Variants in CHST15 observed in about 807,000 individuals in gnomAD.
The protein encoded by CHST15 is B cell RAG associated protein (GALNAC4S-6ST).
CHST15 carries 30 observed loss-of-function variants against 53.6 expected under a neutral mutation model. That is an observed-to-expected ratio of 0.56 (90% CI 0.42 to 0.76). The LOEUF is 0.76. Ranked by LOEUF, CHST15 falls within the 30% of genes least tolerant of loss-of-function variation. The pLI, the probability that CHST15 is intolerant of heterozygous loss-of-function variation, is 0.00. For synonymous variants in CHST15, 296 were observed against 289.8 expected (o/e 1.02, Z -0.22); for missense variants, 627 against 740.5 (o/e 0.85, Z 1.78).
chr10:124,032,780 C>T lies in CHST15; in HGVS notation c.1190+5735G>A, dbSNP rs370242891. Among the ~76,000 whole-genome samples the T allele has an allele frequency of 4.7e-4, 68 of 145,810 alleles. No homozygotes were observed. In the South Asian group the frequency reaches 0.014, roughly 29 times the overall value. ...TTGGCCATATGAACCATCCCATCCA[C>T]TTGTTTCCATTATTCCTCTGTTCTC... is the stretch of plus-strand genomic sequence containing the variant. On this transcript the variant is annotated intron_variant, in intron 5 of 7. Coordinates refer to ENST00000435907, the MANE Select transcript of CHST15 (RefSeq NM_001270764.2).
In CHST15 at chr10:124,010,040, T is replaced by TA. The variant is rs1946367184; in HGVS notation, c.*108_*109insT. The stretch of plus-strand genomic sequence containing the variant: ...TTCATGTGTGCCTAGAGTGGCAGAG[T>TA]CCTGGGGTTTTCCATACCATGAGTG... On this transcript the variant is annotated 3_prime_UTR_variant, in exon 8 of 8. Coordinates refer to ENST00000435907, the MANE Select transcript of CHST15 (RefSeq NM_001270764.2). 6.3e-7 allele frequency: 1 copy of TA among 1,585,792 alleles called. No homozygotes were observed. Among genetic ancestry groups the TA allele is most frequent in the Non-Finnish European group, 8.6e-7 (1 of 1,167,764 alleles).
At chr10:124,039,081 CA>C (rs1288646102) in intron 4 of CHST15, among the ~76,000 whole-genome samples, 1 of 152,084 alleles carries the variant, frequency 6.6e-6, no homozygotes, top group East Asian at 1.9e-4. Context: ...AAAAACACGC[CA>C]AAACATAAAC....
intron 6 of CHST15, chr10:124,021,042 G>A: frequency 7.0e-7 from 1 of 1,436,336 alleles, no homozygotes; most frequent in South Asian, 1.5e-5. Context: ...GGTGGCAGGT[G>A]ACCAGCAGGG....
chr10:124,078,082 A>G (rs1004413298), intron 1 of CHST15, among the ~76,000 whole-genome samples: 3 of 152,210 alleles, frequency 2.0e-5, no homozygotes, highest in African/African-American at 4.8e-5. Flanking sequence ...TTTCACCAAT[A>G]AAACCACCTG....
rs1554911449 is a variant in CHST15 at position 124,045,130 on chromosome 10, A to AC, written c.547-212_547-211insG. On this transcript the variant is annotated intron_variant, in intron 2 of 7. Coordinates refer to ENST00000435907, the MANE Select transcript of CHST15 (RefSeq NM_001270764.2). ...CGCCCCACAAAAAAAAAAAAAAAAA[A>AC]AAAAAAAAAAAAAACTTGGAGAGAA... is the stretch of plus-strand genomic sequence containing the variant. Among the ~76,000 whole-genome samples the AC allele has an allele frequency of 5.6e-3, 830 of 149,014 alleles. 8 individuals carry two copies. The highest frequency in any genetic ancestry group is 8.8e-3 in the Non-Finnish European group (589 of 66,994).
At chr10:124,034,716 G>A (rs1441109498) in intron 5 of CHST15, among the ~76,000 whole-genome samples, 3 of 140,006 alleles carry the variant, frequency 2.1e-5, no homozygotes, top group Admixed American at 7.0e-5. Context: ...CAGGGACCCC[G>A]GCTCCACCCC....
chr10:124,058,325 G>A (rs1486029623), intron 1 of CHST15, among the ~76,000 whole-genome samples: 1 of 152,240 alleles, frequency 6.6e-6, no homozygotes, highest in Non-Finnish European at 1.5e-5. Flanking sequence ...GGAAATGCCT[G>A]ATAGTCCAGT....
intron 5 of CHST15, among the ~76,000 whole-genome samples, chr10:124,030,879 T>C (rs973256902): frequency 6.6e-6 from 1 of 152,256 alleles, no homozygotes; most frequent in Non-Finnish European, 1.5e-5. Context: ...TCAGCTCCCT[T>C]CTGTGTGTGC....
chr10:124,091,036 GC>G (rs1391407256), intron 1 of CHST15, among the ~76,000 whole-genome samples: 1 of 152,170 alleles, frequency 6.6e-6, no homozygotes, highest in African/African-American at 2.4e-5. Context: ...TCACCTATGT[GC>G]CCACAGGAAG....
At chr10:124,085,926 C>T (rs1158787308) in intron 1 of CHST15, among the ~76,000 whole-genome samples, 1 of 152,166 alleles carries the variant, frequency 6.6e-6, no homozygotes, top group Non-Finnish European at 1.5e-5. Context: ...CCAAGTGTAG[C>T]CAGGTCCAGG....
intron 6 of CHST15, chr10:124,020,902 C>T: frequency 7.5e-7 from 1 of 1,331,328 alleles, no homozygotes; most frequent in South Asian, 2.3e-5. Flanking sequence ...ATCCACCGCT[C>T]AAGAGAATGC....
At chr10:124,031,024 T>G (rs1327043199) in intron 5 of CHST15, among the ~76,000 whole-genome samples, 1 of 152,212 alleles carries the variant, frequency 6.6e-6, no homozygotes, top group Non-Finnish European at 1.5e-5. Context: ...GGAGCCATCC[T>G]GCTAATAACT....
At position 124,036,403 on chromosome 10, in the gene CHST15, A is replaced by C. The variant is rs1308030692; in HGVS notation, c.1190+2112T>G. ...GGGAGATGCAGAGAGCAGGGAGCGA[A>C]ACCACACCTGGCACCTGCTAGAAGG... On this transcript the variant is annotated intron_variant, in intron 5 of 7. Coordinates refer to ENST00000435907, the MANE Select transcript of CHST15 (RefSeq NM_001270764.2). The surrounding 1 kb of genome is among the most constrained non-coding windows in gnomAD (Gnocchi z 5.1). Among the ~76,000 whole-genome samples, 1 of 152,168 alleles carries C rather than the reference A, an allele frequency of 6.6e-6. No individual in the cohort carries two copies. Among genetic ancestry groups the C allele is most frequent in the Non-Finnish European group, 1.5e-5 (1 of 68,026 alleles).
At chr10:124,016,065 G>A (rs1300360901) in intron 6 of CHST15, among the ~76,000 whole-genome samples, 1 of 152,152 alleles carries the variant, frequency 6.6e-6, no homozygotes, top group East Asian at 1.9e-4. Flanking sequence ...GTTCCCAGGG[G>A]CTGTGGCTGC....
At chr10:124,011,111 G>A in intron 7 of CHST15, 1 of 982,146 alleles carries the variant, frequency 1.0e-6, no homozygotes, top group Non-Finnish European at 1.2e-6. Flanking sequence ...CCTCTGGAGT[G>A]AGAGGCCCTG....
intron 1 of CHST15, among the ~76,000 whole-genome samples, chr10:124,089,691 C>A (rs1949545171): frequency 6.6e-6 from 1 of 152,186 alleles, no homozygotes; most frequent in Admixed American, 6.5e-5. Flanking sequence ...ACTCCTCACA[C>A]TCCCCCGAGT....
chr10:124,008,327 TCACCCACACGTGCGCGTACACACA>T lies in CHST15; in HGVS notation c.*1798_*1821del, dbSNP rs1371437978. 3.7e-6 allele frequency: 4 copies of T among 1,095,408 alleles called. No individual in the cohort carries two copies. The East Asian group carries it at 2.2e-4, about 59-fold the overall frequency. 67.9% of individuals were successfully genotyped at this position (1,095,408 alleles called of 1,614,324 possible). On this transcript the variant is annotated 3_prime_UTR_variant, in exon 8 of 8. Coordinates refer to ENST00000435907, the MANE Select transcript of CHST15 (RefSeq NM_001270764.2). Reference sequence around the variant, plus strand: ...AACAGAACCCACTCAGAAGACGCACTCACCCACACGTGCGCGTACACACACACACACGCGCGCACTGTACTGCAA... The same window carrying T: ...AACAGAACCCACTCAGAAGACGCACTCACACACGCGCGCACTGTACTGCAA...
At position 124,042,310 on chromosome 10, in the gene CHST15, T is replaced by C. The variant is rs1461638120; in HGVS notation, c.1024A>G (p.Ile342Val). The C allele has an allele frequency of 3.1e-6, 5 of 1,611,416 alleles. No individual in the cohort carries two copies. The highest frequency in any genetic ancestry group is 1.3e-5 in the African/African-American group (1 of 74,870). ...GACACAGACGCCTTACCGATAATGATTGTATTCATCTTGCTCTGCTCCTTT... is the reference window on the plus strand; with the variant it reads ...GACACAGACGCCTTACCGATAATGACTGTATTCATCTTGCTCTGCTCCTTT... ...SAKEQSKMNT[I>V]IIGEASASTM... Residue 342 changes from isoleucine (I) to valine (V), a missense_variant, in exon 4 of 8, where the codon ATC (isoleucine) becomes GTC (valine). By Grantham distance (29) the Ile-to-Val change is conservative. Around this residue, in one of 3 missense-constraint regions of CHST15, gnomAD observed 279 missense variants for 371.6 expected, o/e 0.75. Coordinates refer to ENST00000435907, the MANE Select transcript of CHST15 (RefSeq NM_001270764.2).
intron 6 of CHST15, chr10:124,020,039 G>A: frequency 1.0e-6 from 1 of 985,810 alleles, no homozygotes; most frequent in South Asian, 4.7e-5. Context: ...GGTGGCCAGA[G>A]CTCCCTGCCC....
Sources: allele counts gnomAD v4.1 joint callset (sites outside exome capture counted in the v4.1 genomes callset), GRCh38; gene constraint gnomAD v4.1.1; regional missense constraint gnomAD v4.1.1; non-coding constraint Gnocchi (gnomAD v3.1); transcripts MANE v1.5; gene names NCBI Gene and HGNC (gene_info 2026-07-23, HGNC 2026-07-21).